The following SSR1 variants were observed in gnomAD, a reference collection of about 807,000 sequenced individuals.
SSR1 encodes translocon-associated protein subunit alpha.
Under a neutral mutation model 36.1 loss-of-function variants are expected in SSR1, and 13 were observed. The ratio of observed to expected loss-of-function variants is 0.36; its 90% CI spans 0.23 to 0.57. The LOEUF is 0.57. Among genes scored for constraint, SSR1 ranks in the 20% least tolerant of loss-of-function variants. SSR1 has a pLI of 0.81. For missense variants in SSR1, 291 were observed against 338.5 expected (o/e 0.86, Z 1.10); for synonymous variants, 113 against 118.9 (o/e 0.95, Z 0.32).
In SSR1 at chr6:7,282,998, A is replaced by T. The variant is rs1757461448; in HGVS notation, c.*6866T>A. The stretch of plus-strand genomic sequence containing the variant: ...GAATCTTCCACTGTGGATGATGGCA[A>T]CTGGTCCTTTTAGGAGAGCCATTTT... On this transcript the variant is annotated 3_prime_UTR_variant, in exon 8 of 8. Transcript: ENST00000244763. The T allele has an allele frequency of 1.3e-5, 2 of 152,246 alleles. No individual in the cohort carries two copies. Among genetic ancestry groups the T allele is most frequent in the African/African-American group, 4.8e-5 (2 of 41,476 alleles). The allele number at this position is 152,246 out of a possible 1,614,324, so 9.4% of individuals were successfully genotyped here. A position where few individuals can be genotyped will look rare whatever the true frequency, so the allele number is the denominator to read the frequency against.
intron 7 of SSR1, chr6:7,294,927 T>G (rs976005745): frequency 1.5e-5 from 8 of 531,298 alleles, no homozygotes; most frequent in African/African-American, 4.0e-5. Context: ...TCGGGTAATA[T>G]TTTAGGTTTA....
chr6:7,303,138 T>TA (rs35763826), intron 3 of SSR1, among the ~76,000 whole-genome samples: 17,193 of 42,838 alleles, frequency 0.4, 5,088 homozygotes, highest in African/African-American at 0.58. Flanking sequence ...GACTACATCT[T>TA]AAAAAAAAAA....
At chr6:7,299,799 C>T (rs1757893932) in intron 4 of SSR1, among the ~76,000 whole-genome samples, 1 of 151,918 alleles carries the variant, frequency 6.6e-6, no homozygotes, top group African/African-American at 2.4e-5. Context: ...ATAATTTTAT[C>T]AGTTCACAAT....
In SSR1 at chr6:7,284,416, T is replaced by C. The variant is rs1298815661; in HGVS notation, c.*5448A>G. ...TCCTTTAGTTACAAAAAGAATACTATGTAGCTTACATATTCAGAATTTACC... is the reference window on the plus strand; with the variant it reads ...TCCTTTAGTTACAAAAAGAATACTACGTAGCTTACATATTCAGAATTTACC... On this transcript the variant is annotated 3_prime_UTR_variant, in exon 8 of 8. Coordinates refer to ENST00000244763, the MANE Select transcript of SSR1 (RefSeq NM_003144.5). 2 of 152,224 alleles carry C rather than the reference T, an allele frequency of 1.3e-5. No individual in the cohort carries two copies. Among genetic ancestry groups the C allele is most frequent in the Admixed American group, 6.5e-5 (1 of 15,278 alleles). 9.4% of individuals were successfully genotyped at this position (152,224 alleles called of 1,614,324 possible).
In SSR1 at chr6:7,289,163, G is replaced by A. The variant is rs1372517848; in HGVS notation, c.*701C>T. On this transcript the variant is annotated 3_prime_UTR_variant, in exon 8 of 8. Transcript: ENST00000244763. ...CAACACAATTTTCACAAATGTACTA[G>A]TTTCTTTTTGTTAAAAAAGGGGGTA... 7.5e-6 allele frequency: 1 copy of A among 133,568 alleles called. No individual in the cohort carries two copies. Among genetic ancestry groups the A allele is most frequent in the African/African-American group, 2.6e-5 (1 of 37,912 alleles). The allele number at this position is 133,568 out of a possible 1,614,324, so 8.3% of individuals were successfully genotyped here.
Position 7,313,192 on chromosome 6 carries a change from C to A in SSR1, c.-72G>T. ...CGGCTCCGGCGGTAATGGCGTTACT[C>A]TTCATCCGGGCTCCGGGCAGCGAGG... On this transcript the variant is annotated 5_prime_UTR_variant, in exon 1 of 8. Coordinates refer to ENST00000244763, the MANE Select transcript of SSR1 (RefSeq NM_003144.5). 1 of 1,418,696 alleles carries A rather than the reference C, an allele frequency of 7.0e-7. No homozygotes were observed. The highest frequency in any genetic ancestry group is 9.6e-7 in the Non-Finnish European group (1 of 1,045,084). 87.9% of individuals were successfully genotyped at this position (1,418,696 alleles called of 1,614,324 possible). A position where few individuals can be genotyped will look rare whatever the true frequency, so the allele number is the denominator to read the frequency against.
intron 3 of SSR1, 144 bp from the exon 4 acceptor site, chr6:7,301,716 A>G: frequency 1.2e-6 from 1 of 838,638 alleles, no homozygotes; most frequent in South Asian, 1.8e-5. Context: ...CCAGTCACCT[A>G]CTAACGAGAA....
intron 4 of SSR1, among the ~76,000 whole-genome samples, chr6:7,300,822 T>C (rs974653609): frequency 6.6e-6 from 1 of 152,124 alleles, no homozygotes; most frequent in Non-Finnish European, 1.5e-5. Context: ...TTTGTATTTT[T>C]AGTAGAGACA....
intron 1 of SSR1, 29 bp from the exon 2 acceptor site, chr6:7,310,058 A>G (rs1201081110): frequency 6.4e-7 from 1 of 1,567,440 alleles, no homozygotes; most frequent in South Asian, 1.1e-5. Flanking sequence ...AAAAGCAGTT[A>G]CCCTTTACTC....
In SSR1 at chr6:7,283,029, C is replaced by T. The variant is rs1757462134; in HGVS notation, c.*6835G>A. On this transcript the variant is annotated 3_prime_UTR_variant, in exon 8 of 8. Coordinates refer to ENST00000244763, the MANE Select transcript of SSR1 (RefSeq NM_003144.5). Reference sequence around the variant, plus strand: ...CCTTTTAGGAGAGCCATTTTCCAGACAGTCTTGTCTTTATTTATTTATTTT... The same window carrying T: ...CCTTTTAGGAGAGCCATTTTCCAGATAGTCTTGTCTTTATTTATTTATTTT... 6.6e-6 allele frequency: 1 copy of T among 152,178 alleles called. No homozygotes were observed. The highest frequency in any genetic ancestry group is 2.4e-5 in the African/African-American group (1 of 41,446). The allele number at this position is 152,178 out of a possible 1,614,324, so 9.4% of individuals were successfully genotyped here.
rs1242266533 is a variant in SSR1 at position 7,289,581 on chromosome 6, T to G, written c.*283A>C. ...TATATTTAGTATTCTAAAGACTTGT[T>G]TCAGGTAGTTCAACAATGATTCTGG... On this transcript the variant is annotated 3_prime_UTR_variant, in exon 8 of 8. Transcript: ENST00000244763. The G allele has an allele frequency of 9.4e-6, 4 of 426,306 alleles. No homozygotes were observed. Among genetic ancestry groups the G allele is most frequent in the Non-Finnish European group, 1.7e-5 (4 of 241,938 alleles). 26.4% of individuals were successfully genotyped at this position (426,306 alleles called of 1,614,324 possible).
rs1757490848 is a variant in SSR1, at chr6:7,284,017, A to C, written c.*5847T>G. The stretch of plus-strand genomic sequence containing the variant: ...CAGATGCTTGATGTTCTCCATCTGA[A>C]CACTACTCTTGACCACAGTATTTCT... On this transcript the variant is annotated 3_prime_UTR_variant, in exon 8 of 8. Transcript: ENST00000244763. 1 of 152,230 alleles carries C rather than the reference A, an allele frequency of 6.6e-6. No individual in the cohort carries two copies. Among genetic ancestry groups the C allele is most frequent in the South Asian group, 2.1e-4 (1 of 4,828 alleles). 9.4% of individuals were successfully genotyped at this position (152,230 alleles called of 1,614,324 possible). A position where few individuals can be genotyped will look rare whatever the true frequency, so the allele number is the denominator to read the frequency against.
intron 6 of SSR1, 50 bp downstream of exon 6, chr6:7,297,873 A>G (rs773001809): frequency 2.2e-5 from 32 of 1,450,372 alleles, no homozygotes; most frequent in Non-Finnish European, 2.9e-5. Flanking sequence ...TTAACTTAGT[A>G]CTTAACAACT....
rs946823947 is a variant in SSR1 at position 7,287,796 on chromosome 6, C to G, written c.*2068G>C. 3 of 152,514 alleles carry G rather than the reference C, an allele frequency of 2.0e-5. No homozygotes were observed. Among genetic ancestry groups the G allele is most frequent in the Non-Finnish European group, 4.4e-5 (3 of 68,010 alleles). The allele number at this position is 152,514 out of a possible 1,614,324, so 9.4% of individuals were successfully genotyped here. ...AAAAATAGGCTACTTATTAAGTGTG[C>G]TTGAACAAACCATGTGTGGAATTGA... is the stretch of plus-strand genomic sequence containing the variant. On this transcript the variant is annotated 3_prime_UTR_variant, in exon 8 of 8. Coordinates refer to ENST00000244763, the MANE Select transcript of SSR1 (RefSeq NM_003144.5).
At chr6:7,298,171 C>T (rs1348439847) in intron 5 of SSR1, among the ~76,000 whole-genome samples, 170 bp from the exon 6 acceptor site, 1 of 151,974 alleles carries the variant, frequency 6.6e-6, no homozygotes, top group Non-Finnish European at 1.5e-5. Flanking sequence ...TTATAAATTA[C>T]CTTTAAGAGC....
rs756762791 is a variant in SSR1 at position 7,303,631 on chromosome 6, C to A, written c.199G>T (p.Asp67Tyr). The A allele has an allele frequency of 1.9e-6, 3 of 1,610,358 alleles. No individual in the cohort carries two copies. The highest frequency in any genetic ancestry group is 1.1e-5 in the South Asian group (1 of 90,966). ...CCAGACACATCTTCTTCCTCTTTAT[C>A]TTCTACCTAAGAAAAAGAACAATTA... The part of the protein sequence containing the change: ...EEDEPTDLVE[D>Y]KEEEDVSGEP... The change falls in exon 3 of 8, where the codon GAT becomes TAT. Residue 67 changes from aspartate (D) to tyrosine (Y), a missense_variant. Physicochemically the swap from Asp to Tyr is radical, Grantham distance 160. Transcript: ENST00000244763.
rs1757444495 is a variant in SSR1, at chr6:7,282,380, G to C, written c.*7484C>G. On this transcript the variant is annotated 3_prime_UTR_variant, in exon 8 of 8. Coordinates refer to ENST00000244763, the MANE Select transcript of SSR1 (RefSeq NM_003144.5). ...ACCGAGAAAACGGCGGGAAGGAAAG[G>C]TTCCATCTGGAGAAAAAAGCCTCTC... is the stretch of plus-strand genomic sequence containing the variant. 1 of 152,318 alleles carries C rather than the reference G, an allele frequency of 6.6e-6. No homozygotes were observed. The highest frequency in any genetic ancestry group is 1.5e-5 in the Non-Finnish European group (1 of 68,170). 9.4% of individuals were successfully genotyped at this position (152,318 alleles called of 1,614,324 possible).
chr6:7,312,680 C>G (rs1250411135), intron 1 of SSR1, among the ~76,000 whole-genome samples: 2 of 152,236 alleles, frequency 1.3e-5, no homozygotes, highest in Admixed American at 6.5e-5. Context: ...CCGGCTGCGG[C>G]GCGCTCGGAG....
chr6:7,306,654 T>C (rs9505137), intron 2 of SSR1, among the ~76,000 whole-genome samples: 18,850 of 151,154 alleles, frequency 0.12, 1,842 homozygotes, highest in African/African-American at 0.27. Context: ...CAGTGGCTCA[T>C]GCCTGTAATC....
Sources: gnomAD v4.1 joint callset for allele counts (sites outside exome capture counted in the v4.1 genomes callset) on GRCh38, gnomAD v4.1.1 for gene constraint, MANE v1.5 for transcripts, NCBI Gene and HGNC (gene_info 2026-07-23, HGNC 2026-07-21) for gene names.